The following NLRP6 variants were observed in gnomAD, a reference collection of about 807,000 sequenced individuals.
NLRP6 encodes the protein NLR family pyrin domain containing 6.
In NLRP6, 55 loss-of-function variants were observed where a neutral mutation model predicts 70.9. The observed-to-expected ratio is 0.78, with a 90% confidence interval of 0.62 to 0.97. NLRP6 has a LOEUF of 0.97. NLRP6 is among the 50% of genes least tolerant of loss of function. The probability of loss-of-function intolerance (pLI) is 0.00; values close to 1 mark genes in which losing one functional copy is unlikely to be tolerated. For missense variants in NLRP6, 1,241 were observed against 1,238.3 expected (o/e 1.00, Z -0.03); for synonymous variants, 652 against 581.9 (o/e 1.12, Z -1.73).
chr11:282,596 G>C, intron 4 of NLRP6, 109 bp from the exon 5 acceptor site: 1 of 850,696 alleles, frequency 1.2e-6, no homozygotes, highest in South Asian at 1.4e-5. Flanking sequence ...GCAAGGAGGT[G>C]AGGAGGAGGG....
At chr11:279,050 G>C (rs1270263499) in intron 1 of NLRP6, 2 of 370,964 alleles carry the variant, frequency 5.4e-6, no homozygotes, top group Admixed American at 9.2e-5. Flanking sequence ...GGGGAGGAAG[G>C]TGCCCCCCAG....
chr11:279,866 G>A lies in NLRP6; in HGVS notation c.343G>A (p.Val115Met), dbSNP rs745445511. ...LGLGSGTLLS[V>M]SEYKKKYREH... Reference sequence around the variant, plus strand: ...GCTCGGCTCCGGGACGCTGCTCTCCGTGTCCGGTGGGTCTCTCGCTGGGGG... The same window carrying A: ...GCTCGGCTCCGGGACGCTGCTCTCCATGTCCGGTGGGTCTCTCGCTGGGGG... Residue 115 changes from valine (V) to methionine (M), a missense_variant, in exon 3 of 8, where the codon GTG (valine) becomes ATG (methionine). Coordinates refer to ENST00000534750, the MANE Select transcript of NLRP6 (RefSeq NM_001276700.2). The A allele has an allele frequency of 3.2e-6, 5 of 1,548,336 alleles. No individual in the cohort carries two copies. The highest frequency in any genetic ancestry group is 4.3e-6 in the Non-Finnish European group (5 of 1,151,320).
Position 281,847 on chromosome 11 carries a change from T to G in NLRP6, c.2105+8T>G. 1 of 1,562,800 alleles carries G rather than the reference T, an allele frequency of 6.4e-7. No homozygotes were observed. Among genetic ancestry groups the G allele is most frequent in the Non-Finnish European group, 8.6e-7 (1 of 1,159,662 alleles). ...CAGCCTGGGTGGCGGCAGGTGCGTC[T>G]CCAGGGCAGAGATACTCTCTTGTGT... On this transcript the variant is annotated splice_region_variant and intron_variant, in intron 4 of 7. Transcript: ENST00000534750.
Position 284,347 on chromosome 11 carries a change from G to A in NLRP6, c.2316G>A (p.Leu772=), listed in dbSNP as rs1225625496. 1 of 1,609,460 alleles carries A rather than the reference G, an allele frequency of 6.2e-7. No homozygotes were observed. The highest frequency in any genetic ancestry group is 8.5e-7 in the Non-Finnish European group (1 of 1,178,232). The change falls in exon 6 of 8, where the codon CTG becomes CTA. Residue 772 remains leucine, a synonymous_variant. Coordinates refer to ENST00000534750, the MANE Select transcript of NLRP6 (RefSeq NM_001276700.2). ...LLHNRLSEAG[L]RMLSEGLAWP... is the part of the protein sequence containing the mutation. ...ACAACAGGCTCAGTGAGGCGGGACT[G>A]CGTATGCTGAGTGAGGGCCTAGCCT...
Position 281,117 on chromosome 11 carries a change from C to G in NLRP6, c.1383C>G (p.Ala461=), listed in dbSNP as rs779718495. The G allele has an allele frequency of 5.0e-6, 8 of 1,612,662 alleles. No individual in the cohort carries two copies. The Admixed American group carries it at 6.7e-5, about 13-fold the overall frequency. Residue 461 remains alanine, a synonymous_variant, in exon 4 of 8, where the codon GCC becomes GCG. Coordinates refer to ENST00000534750, the MANE Select transcript of NLRP6 (RefSeq NM_001276700.2). The stretch of plus-strand genomic sequence containing the variant: ...TCCTCGGACGCAGGGCGCAGTTTGC[C>G]GAGAAGGAACTGGAGCAACTGGAGC... ...EGVLGRRAQF[A]EKELEQLELR...
At chr11:279,051 T>A in intron 1 of NLRP6, 1 of 370,452 alleles carries the variant, frequency 2.7e-6, no homozygotes, top group Admixed American at 4.6e-5. Context: ...GGGAGGAAGG[T>A]GCCCCCCAGA....
chr11:284,125 T>G (rs1845519099), intron 5 of NLRP6, 105 bp from the exon 6 acceptor site: 1 of 1,007,164 alleles, frequency 9.9e-7, no homozygotes, highest in African/African-American at 1.6e-5. Flanking sequence ...CCAACACATC[T>G]CTCAGCTGAA....
Position 278,477 on chromosome 11 carries a change from C to T in NLRP6, c.-93C>T. The T allele has an allele frequency of 8.8e-7, 1 of 1,140,138 alleles. No homozygotes were observed. The highest frequency in any genetic ancestry group is 1.2e-6 in the Non-Finnish European group (1 of 820,780). The allele number at this position is 1,140,138 out of a possible 1,614,324, so 70.6% of individuals were successfully genotyped here. A position where few individuals can be genotyped will look rare whatever the true frequency, so the allele number is the denominator to read the frequency against. On this transcript the variant is annotated 5_prime_UTR_variant, in exon 1 of 8. Transcript: ENST00000534750. This position sits in a 1 kb window ranked among gnomAD's most constrained non-coding sequence, Gnocchi z 4.7. ...GGGAATGGACCGGGCTGGACAACCT[C>T]TAAGACTTGGCTCCAGCTCAGCCTG...
Position 280,534 on chromosome 11 carries a change from TGCTGGCCCAGCCGCAGC to T in NLRP6, c.802_818del (p.Leu268AlafsTer92), listed in dbSNP as rs1435543471. The T allele has an allele frequency of 2.6e-6, 4 of 1,556,514 alleles. No individual in the cohort carries two copies. The African/African-American group carries it at 5.6e-5, about 22-fold the overall frequency. On this transcript the variant is annotated frameshift_variant, in exon 4 of 8. Transcript: ENST00000534750. LOFTEE classifies it high-confidence loss of function. ...GACCGCGGCGCGCCGGTGCCGCAGA[TGCTGGCCCAGCCGCAGC>T]GGCTGCTCTTCATCCTGGACGGCGC...
Position 280,528 on chromosome 11 carries a change from C to A in NLRP6, c.794C>A (p.Pro265Gln). 6.4e-7 allele frequency: 1 copy of A among 1,563,072 alleles called. No individual in the cohort carries two copies. The highest frequency in any genetic ancestry group is 1.2e-5 in the South Asian group (1 of 86,726). The change falls in exon 4 of 8, where the codon CCG becomes CAG. Residue 265 changes from proline to glutamine, a missense_variant. Pro to Gln is a moderately conservative substitution (Grantham distance 76, BLOSUM62 -1). Coordinates refer to ENST00000534750, the MANE Select transcript of NLRP6 (RefSeq NM_001276700.2). ...TGCCCCGACCGCGGCGCGCCGGTGC[C>A]GCAGATGCTGGCCCAGCCGCAGCGG... ...DQCPDRGAPVPQMLAQPQRLL... is the reference protein window; with the variant it reads ...DQCPDRGAPVQQMLAQPQRLL...
Position 285,370 on chromosome 11 carries a change from C to G in NLRP6, c.*66C>G. Reference sequence around the variant, plus strand: ...GTCCCTGTGGAGAGAACGGCCCATTCCAAGGGCAGGAGGATATTGCTCTCG... The same window carrying G: ...GTCCCTGTGGAGAGAACGGCCCATTGCAAGGGCAGGAGGATATTGCTCTCG... On this transcript the variant is annotated 3_prime_UTR_variant, in exon 8 of 8. Transcript: ENST00000534750. 6.6e-7 allele frequency: 1 copy of G among 1,525,188 alleles called. No homozygotes were observed. The highest frequency in any genetic ancestry group is 1.2e-5 in the South Asian group (1 of 85,476). The allele number at this position is 1,525,188 out of a possible 1,614,324, so 94.5% of individuals were successfully genotyped here.
At position 285,210 on chromosome 11, in the gene NLRP6, A is replaced by G. The variant is rs550221225; in HGVS notation, c.2582A>G (p.Gln861Arg). ...AGCGAGCAGTCACTACAGGAGCTTC[A>G]GGCTGTGAAGAGAGCAAAGCCGGAT... ...ELSEQSLQEL[Q>R]AVKRAKPDLV... The change falls in exon 8 of 8, where the codon CAG becomes CGG. Residue 861 changes from glutamine (Q) to arginine (R), a missense_variant. By Grantham distance (43) the Gln-to-Arg change is conservative. Coordinates refer to ENST00000534750, the MANE Select transcript of NLRP6 (RefSeq NM_001276700.2). 13 of 1,598,808 alleles carry G rather than the reference A, an allele frequency of 8.1e-6. No individual in the cohort carries two copies. In the African/African-American group the frequency reaches 1.5e-4, roughly 18 times the overall value.
rs1845421729 is a variant in NLRP6 at position 278,596 on chromosome 11, C to T, written c.27C>T (p.Ser9=). 1.3e-6 allele frequency: 2 copies of T among 1,590,786 alleles called. No individual in the cohort carries two copies. Among genetic ancestry groups the T allele is most frequent in the Non-Finnish European group, 1.7e-6 (2 of 1,169,530 alleles). Residue 9 remains serine, a splice_region_variant and synonymous_variant, in exon 1 of 8, where the codon TCC becomes TCT. Coordinates refer to ENST00000534750, the MANE Select transcript of NLRP6 (RefSeq NM_001276700.2). This position sits in a 1 kb window ranked among gnomAD's most constrained non-coding sequence, Gnocchi z 4.7. The part of the protein sequence containing the change: MDQPEAPC[S]STGPRLAVAR... ...TGGACCAGCCAGAGGCCCCCTGCTC[C>T]AGGTGAGTGCTGGCCCCAGGGTGGT...
In NLRP6 at chr11:279,518, C is replaced by G; in HGVS notation, c.221C>G (p.Pro74Arg). 2 of 1,458,260 alleles carry G rather than the reference C, an allele frequency of 1.4e-6. No individual in the cohort carries two copies. Among genetic ancestry groups the G allele is most frequent in the South Asian group, 1.3e-5 (1 of 74,236 alleles). The allele number at this position is 1,458,260 out of a possible 1,614,324, so 90.3% of individuals were successfully genotyped here. A position where few individuals can be genotyped will look rare whatever the true frequency, so the allele number is the denominator to read the frequency against. The part of the protein sequence containing the change: ...LAEQLAQFYG[P>R]EPALEVARKT... Reference sequence around the variant, plus strand: ...GAGCAGCTGGCCCAGTTCTACGGCCCGGAGCCTGCCCTGGAGGTGGCCCGC... The same window carrying G: ...GAGCAGCTGGCCCAGTTCTACGGCCGGGAGCCTGCCCTGGAGGTGGCCCGC... Residue 74 changes from proline (P) to arginine (R), a missense_variant, in exon 2 of 8, where the codon CCG becomes CGG. Pro to Arg is a moderately radical substitution (Grantham distance 103, BLOSUM62 -2). Coordinates refer to ENST00000534750, the MANE Select transcript of NLRP6 (RefSeq NM_001276700.2).
intron 4 of NLRP6, 112 bp from the exon 5 acceptor site, chr11:282,593 G>A (rs1344074320): frequency 1.3e-5 from 11 of 829,068 alleles, no homozygotes; most frequent in African/African-American, 1.0e-4. Context: ...TCAGCAAGGA[G>A]GTGAGGAGGA....
intron 7 of NLRP6, 83 bp from the exon 8 acceptor site, chr11:285,083 C>T (rs1845539296): frequency 7.1e-6 from 9 of 1,275,058 alleles, no homozygotes; most frequent in South Asian, 3.9e-5. Flanking sequence ...GCCCGCGGCC[C>T]GGCTGCCCCC....
At chr11:282,621 C>A in intron 4 of NLRP6, 84 bp from the exon 5 acceptor site, 1 of 1,083,530 alleles carries the variant, frequency 9.2e-7, no homozygotes, top group Non-Finnish European at 1.4e-6. Flanking sequence ...CTCTGAGACC[C>A]CAGGACTACA....
At chr11:279,291 G>A (rs1590266974) in intron 1 of NLRP6, 36 bp from the exon 2 acceptor site, 1 of 1,258,722 alleles carries the variant, frequency 7.9e-7, no homozygotes, top group East Asian at 3.2e-5. Flanking sequence ...TCACCCGAGG[G>A]CCGCTCCCCG....
chr11:282,136 G>T (rs1350445168), intron 4 of NLRP6, among the ~76,000 whole-genome samples: 1 of 152,084 alleles, frequency 6.6e-6, no homozygotes. Context: ...ATAAGCTCTG[G>T]AACACACGAT....
Sources: gnomAD v4.1 joint callset for allele counts (sites outside exome capture counted in the v4.1 genomes callset) on GRCh38, gnomAD v4.1.1 for gene constraint, Gnocchi (gnomAD v3.1) non-coding constraint, MANE v1.5 for transcripts, NCBI Gene and HGNC (gene_info 2026-07-23, HGNC 2026-07-21) for gene names.